The following CSMD2 variants were observed in gnomAD, a reference collection of about 807,000 sequenced individuals.
CSMD2 encodes the protein CUB and Sushi multiple domains 2.
Under a neutral mutation model 398.5 loss-of-function variants are expected in CSMD2, and 130 were observed. That is an observed-to-expected ratio of 0.33 (90% confidence interval 0.28 to 0.38). The LOEUF (loss-of-function observed/expected upper bound fraction) is 0.38, where lower values mean the gene tolerates loss of function less well. Ranked by LOEUF, CSMD2 falls within the 10% of genes least tolerant of loss-of-function variation. CSMD2 has a pLI of 1.00. For synonymous variants in CSMD2, 1,828 were observed against 1,908.5 expected (o/e 0.96, Z 1.10); for missense variants, 3,829 against 4,764.9 (o/e 0.80, Z 5.78).
intron 5 of CSMD2, among the ~76,000 whole-genome samples, chr1:33,906,431 G>T (rs1185437975): frequency 6.6e-6 from 1 of 152,230 alleles, no homozygotes; most frequent in Non-Finnish European, 1.5e-5. Flanking sequence ...GATGCTGGGA[G>T]ATCAGTAAGG....
At chr1:34,084,427 A>G (rs1027608142) in intron 2 of CSMD2, among the ~76,000 whole-genome samples, 22 of 152,224 alleles carry the variant, frequency 1.4e-4, no homozygotes, top group Non-Finnish European at 3.1e-4. Context: ...AGAAACCACC[A>G]TCAGAGTGAA....
intron 59 of CSMD2, 43 bp from the exon 60 acceptor site, chr1:33,540,741 G>A (rs776800454): frequency 6.2e-7 from 1 of 1,607,398 alleles, no homozygotes; most frequent in South Asian, 1.1e-5. Context: ...TGCTGTCCTG[G>A]GAAACCAGCC....
intron 44 of CSMD2, among the ~76,000 whole-genome samples, chr1:33,593,324 T>C (rs1639599152): frequency 6.6e-6 from 1 of 152,248 alleles, no homozygotes; most frequent in South Asian, 2.1e-4. Flanking sequence ...TTGAATGTTA[T>C]TTAGGTTAAT....
chr1:33,577,560 C>A, intron 48 of CSMD2, 76 bp from the exon 49 acceptor site: 1 of 1,220,328 alleles, frequency 8.2e-7, no homozygotes, highest in Non-Finnish European at 1.1e-6. Flanking sequence ...GGCCCCTTTC[C>A]CTTTCGTCTC....
intron 1 of CSMD2, among the ~76,000 whole-genome samples, chr1:34,158,383 G>C (rs1188119590): frequency 6.6e-6 from 1 of 152,232 alleles, no homozygotes; most frequent in Non-Finnish European, 1.5e-5. Context: ...ATGGAGAGGA[G>C]GGGTGCAAGG....
chr1:33,952,234 G>C (rs992221368), intron 3 of CSMD2, among the ~76,000 whole-genome samples: 2 of 152,232 alleles, frequency 1.3e-5, no homozygotes, highest in Non-Finnish European at 2.9e-5. Flanking sequence ...GAACAGGACT[G>C]AACAGAGCTG....
At chr1:33,761,718 G>T (rs890007333) in intron 13 of CSMD2, among the ~76,000 whole-genome samples, 11 of 152,176 alleles carry the variant, frequency 7.2e-5, no homozygotes, top group Non-Finnish European at 1.5e-4. Flanking sequence ...GTCTAGAACT[G>T]CCATGGTCCA....
intron 13 of CSMD2, among the ~76,000 whole-genome samples, chr1:33,765,932 C>T (rs545169939): frequency 3.9e-5 from 6 of 152,310 alleles, no homozygotes; most frequent in East Asian, 3.9e-4. Flanking sequence ...GGAACCAGGT[C>T]GGCTGAAGAA....
intron 4 of CSMD2, among the ~76,000 whole-genome samples, chr1:33,930,341 C>T (rs375719182): frequency 6.6e-6 from 1 of 152,196 alleles, no homozygotes; most frequent in Non-Finnish European, 1.5e-5. Context: ...AGGGTTGAAC[C>T]CAGGCCAGTC....
At chr1:33,645,272 G>C (rs994932672) in intron 29 of CSMD2, among the ~76,000 whole-genome samples, 1 of 150,902 alleles carries the variant, frequency 6.6e-6, no homozygotes, top group African/African-American at 2.4e-5. Context: ...GGTGAACCCG[G>C]GTTATAGTAA....
Position 33,626,640 on chromosome 1 carries a change from A to C in CSMD2, c.5201-59T>G. The C allele has an allele frequency of 3.0e-6, 4 of 1,324,008 alleles. 1 individual carries two copies. In the South Asian group the frequency reaches 5.4e-5, roughly 18 times the overall value. 82.0% of individuals were successfully genotyped at this position (1,324,008 alleles called of 1,614,324 possible). A position where few individuals can be genotyped will look rare whatever the true frequency, so the allele number is the denominator to read the frequency against. ...TGAGTCCAGCAGGTGGGCCCAGAAG[A>C]TAAAATCCTGGCCAGGAAGGAGGGG... On this transcript the variant is annotated intron_variant, in intron 32 of 70. Transcript: ENST00000373381.
At chr1:34,084,429 C>T (rs561697193) in intron 2 of CSMD2, among the ~76,000 whole-genome samples, 5 of 152,322 alleles carry the variant, frequency 3.3e-5, no homozygotes, top group Admixed American at 1.3e-4. Flanking sequence ...AAACCACCAT[C>T]AGAGTGAACA....
chr1:33,623,061 C>T (rs1197624073), intron 36 of CSMD2, among the ~76,000 whole-genome samples: 1 of 152,150 alleles, frequency 6.6e-6, no homozygotes, highest in Non-Finnish European at 1.5e-5. Context: ...TATGAAATGC[C>T]TGGAATAGGC....
chr1:33,855,772 G>C (rs1180302360), intron 5 of CSMD2, among the ~76,000 whole-genome samples: 2 of 152,152 alleles, frequency 1.3e-5, no homozygotes, highest in Admixed American at 6.5e-5. Context: ...CCCAGAAACA[G>C]GGTGCAGGCC....
At chr1:33,641,300 T>C (rs1643095748) in intron 29 of CSMD2, among the ~76,000 whole-genome samples, 1 of 152,220 alleles carries the variant, frequency 6.6e-6, no homozygotes, top group Non-Finnish European at 1.5e-5. Context: ...TGGCATGAAG[T>C]AGGAGTCATC....
At chr1:34,102,197 AT>A (rs908693535) in intron 1 of CSMD2, among the ~76,000 whole-genome samples, 1 of 151,676 alleles carries the variant, frequency 6.6e-6, no homozygotes, top group South Asian at 2.1e-4. Flanking sequence ...CGCCCGGCTA[AT>A]TTTTTTTACT....
At chr1:34,114,450 T>G (rs1354713832) in intron 1 of CSMD2, among the ~76,000 whole-genome samples, 1 of 151,918 alleles carries the variant, frequency 6.6e-6, no homozygotes, top group Non-Finnish European at 1.5e-5. Flanking sequence ...GTCATCCCAG[T>G]GCTTTGGGAG....
Position 33,974,700 on chromosome 1 carries a change from A to G in CSMD2, c.518-38746T>C, listed in dbSNP as rs185754186. On this transcript the variant is annotated intron_variant, in intron 3 of 70. Transcript: ENST00000373381. ...CAGCACAGGGCTCGACACAAAGCAC[A>G]CTGCAGGAGAATACTGGCAAGTGTT... Among the ~76,000 whole-genome samples, 21 of 152,314 alleles carry G rather than the reference A, an allele frequency of 1.4e-4. No homozygotes were observed. The East Asian group carries it at 3.9e-3, about 28-fold the overall frequency.
chr1:33,602,479 G>A lies in CSMD2; in HGVS notation c.6600C>T (p.Tyr2200=). 6.2e-7 allele frequency: 1 copy of A among 1,613,754 alleles called. No homozygotes were observed. The highest frequency in any genetic ancestry group is 8.5e-7 in the Non-Finnish European group (1 of 1,179,938). Residue 2200 remains tyrosine, a synonymous_variant, in exon 43 of 71, where the codon TAC becomes TAT. Transcript: ENST00000373381. ...GCCAGACACAGTCCTGGGAGCTGGA[G>A]TACGGGCTAGGGAACCCCGGGGAGT... ...TVYSPGFPSP[Y]SSSQDCVWLI...
Sources: allele counts gnomAD v4.1 joint callset (sites outside exome capture counted in the v4.1 genomes callset), GRCh38; gene constraint gnomAD v4.1.1; transcripts MANE v1.5; gene names NCBI Gene and HGNC (gene_info 2026-07-23, HGNC 2026-07-21).